Variants in HS2ST1 observed in about 807,000 individuals in gnomAD.
HS2ST1 encodes the protein 2-O-sulfotransferase.
Under a neutral mutation model 42.9 loss-of-function variants are expected in HS2ST1, and 18 were observed. That is an observed-to-expected ratio of 0.42 (90% CI 0.29 to 0.62). The LOEUF (loss-of-function observed/expected upper bound fraction) is 0.62, where lower values mean the gene tolerates loss of function less well. HS2ST1 is among the 20% of genes least tolerant of loss of function. HS2ST1 has a pLI of 0.21. For synonymous variants in HS2ST1, 146 were observed against 152.9 expected, an observed-to-expected ratio of 0.95 and a Z score of 0.33; for missense variants, 334 against 433.8, an observed-to-expected ratio of 0.77 and a Z score of 2.04.
At chr1:87,001,662 G>A (rs1467692407) in intron 1 of HS2ST1, among the ~76,000 whole-genome samples, 1 of 152,100 alleles carries the variant, frequency 6.6e-6, no homozygotes, top group East Asian at 1.9e-4. Flanking sequence ...TGCCGAGTCG[G>A]GAGTGCAATG....
In HS2ST1 at chr1:86,988,002, C is replaced by T. The variant is rs184760068; in HGVS notation, c.124+72842C>T. ...TATGTCCAGGATGAGAGAGACTCCT[C>T]GTCCATGCTGATCCAAATAAAGGTT... On this transcript the variant is annotated intron_variant, in intron 1 of 6. Coordinates refer to ENST00000370550, the MANE Select transcript of HS2ST1 (RefSeq NM_012262.4). Among the ~76,000 whole-genome samples the T allele has an allele frequency of 5.3e-5, 8 of 152,304 alleles. No individual in the cohort carries two copies. In the South Asian group the frequency reaches 1.0e-3, roughly 20 times the overall value.
intron 1 of HS2ST1, among the ~76,000 whole-genome samples, chr1:87,015,840 T>C (rs143204920): frequency 0.012 from 1,895 of 152,128 alleles, 47 homozygotes; most frequent in African/African-American, 0.043. Flanking sequence ...TTTTTTGAGA[T>C]GGAGTCTATC....
chr1:87,012,889 A>G (rs1284253331), intron 1 of HS2ST1, among the ~76,000 whole-genome samples: 1 of 152,228 alleles, frequency 6.6e-6, no homozygotes, highest in African/African-American at 2.4e-5. Flanking sequence ...GGGCAGTCAA[A>G]TCTTAAAGCT....
chr1:87,064,957 G>A (rs140058179), intron 1 of HS2ST1, among the ~76,000 whole-genome samples: 146 of 152,280 alleles, frequency 9.6e-4, no homozygotes, highest in African/African-American at 3.4e-3. Flanking sequence ...ATGAGCTACC[G>A]CACCTGGCCA....
chr1:87,007,938 T>C (rs1489388102), intron 1 of HS2ST1, among the ~76,000 whole-genome samples: 2 of 152,174 alleles, frequency 1.3e-5, no homozygotes, highest in African/African-American at 4.8e-5. Flanking sequence ...TCTATCTTCT[T>C]ATTTGCAAAT....
intron 2 of HS2ST1, among the ~76,000 whole-genome samples, chr1:87,073,614 A>G (rs551703230): frequency 1.9e-4 from 29 of 152,210 alleles, no homozygotes; most frequent in Non-Finnish European, 2.6e-4. Flanking sequence ...TACATTGCTT[A>G]TAAATGTATA....
chr1:86,988,393 T>G (rs934024099), intron 1 of HS2ST1, among the ~76,000 whole-genome samples: 2 of 152,232 alleles, frequency 1.3e-5, no homozygotes, highest in Non-Finnish European at 2.9e-5. Flanking sequence ...TTTGCTTACC[T>G]CCAACCTGAC....
chr1:87,103,290 C>T, intron 5 of HS2ST1, 142 bp from the exon 6 acceptor site: 1 of 649,446 alleles, frequency 1.5e-6, no homozygotes, highest in Non-Finnish European at 2.4e-6. Context: ...GGTGTGCCTC[C>T]CACAGGATGG....
rs999606812 is a variant in HS2ST1, at chr1:87,072,282, G to A, written c.125-652G>A. On this transcript the variant is annotated intron_variant, in intron 1 of 6. Transcript: ENST00000370550. ...GTCATATTGTTTCTACTCTTGTTAA[G>A]TCATATTAGCATTTATAATCACTTT... Among the ~76,000 whole-genome samples the A allele has an allele frequency of 2.0e-5, 3 of 152,186 alleles. No individual in the cohort carries two copies. The East Asian group carries it at 5.8e-4, about 29-fold the overall frequency.
intron 1 of HS2ST1, among the ~76,000 whole-genome samples, chr1:86,921,231 A>G (rs1292175821): frequency 6.6e-6 from 1 of 152,100 alleles, no homozygotes; most frequent in East Asian, 1.9e-4. Flanking sequence ...CTGCCTCTTC[A>G]TCAGTTATGG....
At chr1:86,950,294 C>T (rs1647472917) in intron 1 of HS2ST1, among the ~76,000 whole-genome samples, 2 of 152,054 alleles carry the variant, frequency 1.3e-5, no homozygotes, top group South Asian at 2.1e-4. Flanking sequence ...ATCTTCATGT[C>T]TTGGACCCTT....
intron 4 of HS2ST1, among the ~76,000 whole-genome samples, chr1:87,095,186 TATAAC>T (rs1652032629): frequency 6.6e-6 from 1 of 152,190 alleles, no homozygotes; most frequent in South Asian, 2.1e-4. Context: ...ACTGCATACA[TATAAC>T]ATTTCTAAAG....
At chr1:87,041,044 A>AT (rs1650507554) in intron 1 of HS2ST1, among the ~76,000 whole-genome samples, 1 of 151,926 alleles carries the variant, frequency 6.6e-6, no homozygotes, top group South Asian at 2.1e-4. Context: ...AATTAGATTC[A>AT]TTTTTTACCT....
chr1:87,030,109 C>G (rs1256983732), intron 1 of HS2ST1, among the ~76,000 whole-genome samples: 1 of 152,170 alleles, frequency 6.6e-6, no homozygotes, highest in Non-Finnish European at 1.5e-5. Context: ...TTACACAGCC[C>G]TGGGGTCCTT....
intron 5 of HS2ST1, among the ~76,000 whole-genome samples, chr1:87,098,766 T>C (rs1164390142): frequency 2.0e-5 from 3 of 152,180 alleles, no homozygotes; most frequent in Non-Finnish European, 2.9e-5. Flanking sequence ...CAGACCCAGT[T>C]TGGCCTTTCA....
At chr1:87,009,969 A>G (rs1649549321) in intron 1 of HS2ST1, among the ~76,000 whole-genome samples, 1 of 152,014 alleles carries the variant, frequency 6.6e-6, no homozygotes, top group Non-Finnish European at 1.5e-5. Flanking sequence ...AGGGAGGCAG[A>G]GCTTGCAGTG....
At chr1:86,933,946 T>C (rs1247765146) in intron 1 of HS2ST1, among the ~76,000 whole-genome samples, 1 of 152,212 alleles carries the variant, frequency 6.6e-6, no homozygotes, top group Admixed American at 6.5e-5. Context: ...CTTGTAGTTA[T>C]TTAAGCTGTA....
chr1:87,019,992 G>A (rs1306214328), intron 1 of HS2ST1, among the ~76,000 whole-genome samples: 1 of 152,172 alleles, frequency 6.6e-6, no homozygotes, highest in African/African-American at 2.4e-5. Context: ...TATTGTATAA[G>A]TCAATTTGAA....
At chr1:87,043,687 T>C (rs1387748523) in intron 1 of HS2ST1, among the ~76,000 whole-genome samples, 1 of 152,082 alleles carries the variant, frequency 6.6e-6, no homozygotes, top group African/African-American at 2.4e-5. Flanking sequence ...TTGGAAAATA[T>C]GGATGTATAT....
Sources: allele counts gnomAD v4.1 joint callset (sites outside exome capture counted in the v4.1 genomes callset), GRCh38; gene constraint gnomAD v4.1.1; transcripts MANE v1.5; gene names NCBI Gene and HGNC (gene_info 2026-07-23, HGNC 2026-07-21).